The following GRAMD1B variants were observed in gnomAD, a reference collection of about 807,000 sequenced individuals.
GRAMD1B encodes protein Aster-B.
Under a neutral mutation model 99.7 loss-of-function variants are expected in GRAMD1B, and 37 were observed. The observed-to-expected ratio is 0.37, with a 90% confidence interval of 0.29 to 0.49. The LOEUF (loss-of-function observed/expected upper bound fraction) is 0.49, where lower values mean the gene tolerates loss of function less well. Ranked by LOEUF, GRAMD1B falls within the 20% of genes least tolerant of loss-of-function variation. The probability of loss-of-function intolerance (pLI) is 0.98; values close to 1 mark genes in which losing one functional copy is unlikely to be tolerated. For missense variants in GRAMD1B, 888 were observed against 1,009.2 expected (o/e 0.88, Z 1.63); for synonymous variants, 427 against 387.6 (o/e 1.10, Z -1.19).
rs776599563 is a variant in GRAMD1B, at chr11:123,625,293, G to A, written c.*2698G>A. On this transcript the variant is annotated 3_prime_UTR_variant, in exon 20 of 20. Coordinates refer to ENST00000635736, the MANE Select transcript of GRAMD1B (RefSeq NM_001387025.1). ...CTTCCAGCCAGTGCTTTTATTGTTC[G>A]TTTTAGTTTACTGGGGACACACAGG... 13 of 152,282 alleles carry A rather than the reference G, an allele frequency of 8.5e-5. No individual in the cohort carries two copies. The highest frequency in any genetic ancestry group is 8.3e-4 in the South Asian group (4 of 4,832). The allele number at this position is 152,282 out of a possible 1,614,324, so 9.4% of individuals were successfully genotyped here.
At chr11:123,620,197 G>A (rs1954934508) in intron 19 of GRAMD1B, among the ~76,000 whole-genome samples, 1 of 152,174 alleles carries the variant, frequency 6.6e-6, no homozygotes, top group Admixed American at 6.5e-5. Flanking sequence ...AAAGAGGCCG[G>A]GTGTGGTGGG....
intron 1 of GRAMD1B, among the ~76,000 whole-genome samples, chr11:123,407,292 C>A (rs1158776928): frequency 6.7e-6 from 1 of 150,358 alleles, no homozygotes; most frequent in African/African-American, 2.5e-5. Context: ...CCGGGGAACT[C>A]TCGAAACCAC....
At chr11:123,423,795 G>A (rs2136047924) in intron 1 of GRAMD1B, among the ~76,000 whole-genome samples, 1 of 152,292 alleles carries the variant, frequency 6.6e-6, no homozygotes. Context: ...CTAGCTGTGT[G>A]AACTTGGGCA....
intron 1 of GRAMD1B, among the ~76,000 whole-genome samples, chr11:123,480,120 C>T (rs1269637574): frequency 2.6e-5 from 4 of 152,150 alleles, no homozygotes; most frequent in South Asian, 2.1e-4. Flanking sequence ...CATTCTTTCC[C>T]GTATTATTAT....
chr11:123,599,343 A>G (rs552478531), intron 7 of GRAMD1B: 9 of 697,938 alleles, frequency 1.3e-5, no homozygotes, highest in Non-Finnish European at 2.5e-5. Flanking sequence ...ATCAGAATTG[A>G]TCTGGTCCCA....
At chr11:123,555,986 G>A (rs186903064) in intron 2 of GRAMD1B, among the ~76,000 whole-genome samples, 5 of 151,174 alleles carry the variant, frequency 3.3e-5, no homozygotes, top group Non-Finnish European at 5.9e-5. Flanking sequence ...CACCTGCCTC[G>A]GCCTCCCAAA....
intron 2 of GRAMD1B, chr11:123,559,703 C>A (rs1018192093): frequency 3.0e-6 from 3 of 984,590 alleles, no homozygotes; most frequent in Non-Finnish European, 2.4e-6. Context: ...TAAGTGCTTT[C>A]CCTGAGTGTT....
At chr11:123,477,098 G>A (rs1951316083) in intron 1 of GRAMD1B, among the ~76,000 whole-genome samples, 1 of 152,060 alleles carries the variant, frequency 6.6e-6, no homozygotes, top group African/African-American at 2.4e-5. Context: ...CATTTACATA[G>A]CAGTTAAAAT....
intron 2 of GRAMD1B, among the ~76,000 whole-genome samples, chr11:123,570,770 G>C (rs780746697): frequency 4.7e-4 from 71 of 152,238 alleles, no homozygotes; most frequent in Non-Finnish European, 9.3e-4. Context: ...TTTATGGAGC[G>C]TACCAAGCAC....
chr11:123,611,188 A>G (rs916636594), intron 14 of GRAMD1B, among the ~76,000 whole-genome samples: 1 of 140,882 alleles, frequency 7.1e-6, no homozygotes, highest in African/African-American at 2.6e-5. Context: ...ATATTCACAC[A>G]TTTTGGGAGG....
At chr11:123,444,137 A>G (rs1245195134) in intron 1 of GRAMD1B, among the ~76,000 whole-genome samples, 1 of 152,158 alleles carries the variant, frequency 6.6e-6, no homozygotes, top group Non-Finnish European at 1.5e-5. Flanking sequence ...GGAAAAGTCT[A>G]GTTATGTTAA....
At chr11:123,599,304 T>A in intron 7 of GRAMD1B, 1 of 716,388 alleles carries the variant, frequency 1.4e-6, no homozygotes, top group South Asian at 1.3e-5. Flanking sequence ...GACCTCCATA[T>A]ACCTATCTTG....
chr11:123,589,077 G>A (rs1488289563), intron 4 of GRAMD1B, among the ~76,000 whole-genome samples: 7 of 151,636 alleles, frequency 4.6e-5, no homozygotes, highest in African/African-American at 1.5e-4. Context: ...GTTTGTGACC[G>A]GAATGTGTCA....
At chr11:123,394,389 C>T (rs1389304257) in intron 1 of GRAMD1B, among the ~76,000 whole-genome samples, 2 of 152,192 alleles carry the variant, frequency 1.3e-5, no homozygotes, top group Non-Finnish European at 2.9e-5. Flanking sequence ...TTTGCATATA[C>T]TATTCCTTCC....
chr11:123,577,456 G>C lies in GRAMD1B; in HGVS notation c.542G>C (p.Gly181Ala). The change falls in exon 3 of 20, where the codon GGA becomes GCA. Residue 181 changes from glycine (G) to alanine (A), a missense_variant. Physicochemically the swap from Gly to Ala is moderately conservative, Grantham distance 60. Coordinates refer to ENST00000635736, the MANE Select transcript of GRAMD1B (RefSeq NM_001387025.1). ...TCGCCAACCCCGCAGAACCAGGACG[G>C]AGACACCATGGTGGAGAAGGGCTCA... ...SRSPTPQNQD[G>A]DTMVEKGSDH... 1 of 1,604,566 alleles carries C rather than the reference G, an allele frequency of 6.2e-7. No homozygotes were observed. The highest frequency in any genetic ancestry group is 8.5e-7 in the Non-Finnish European group (1 of 1,175,842).
intron 3 of GRAMD1B, among the ~76,000 whole-genome samples, chr11:123,583,400 G>GTGGA (rs1555085387): frequency 1.3e-5 from 2 of 150,500 alleles, no homozygotes; most frequent in African/African-American, 4.9e-5. Flanking sequence ...GTGTGCGTGT[G>GTGGA]TGTGTGTGTC....
At chr11:123,572,146 AC>A (rs1948168790) in intron 2 of GRAMD1B, among the ~76,000 whole-genome samples, 2 of 152,214 alleles carry the variant, frequency 1.3e-5, no homozygotes, top group Non-Finnish European at 2.9e-5. Context: ...TTGTCTAGGT[AC>A]TTAACCCCCC....
chr11:123,452,411 C>T (rs576340755), intron 1 of GRAMD1B, among the ~76,000 whole-genome samples: 132 of 152,150 alleles, frequency 8.7e-4, no homozygotes, highest in African/African-American at 3.0e-3. Flanking sequence ...TTTGGGAGGC[C>T]GAGGCAGGTG....
At chr11:123,469,468 A>G (rs1335064290) in intron 1 of GRAMD1B, among the ~76,000 whole-genome samples, 1 of 152,108 alleles carries the variant, frequency 6.6e-6, no homozygotes, top group Non-Finnish European at 1.5e-5. Flanking sequence ...GAGAGTCACT[A>G]AAGAAGTAAG....
Sources: allele counts gnomAD v4.1 joint callset (sites outside exome capture counted in the v4.1 genomes callset), GRCh38; gene constraint gnomAD v4.1.1; transcripts MANE v1.5; gene names NCBI Gene and HGNC (gene_info 2026-07-23, HGNC 2026-07-21).